MAGI1: variants seen among roughly 807,000 people sequenced by gnomAD.
MAGI1 encodes membrane-associated guanylate kinase, WW and PDZ domain-containing protein 1.
A neutral mutation model predicts 139.9 loss-of-function variants in MAGI1; 58 were observed. That is an observed-to-expected ratio of 0.41 (90% CI 0.34 to 0.52). MAGI1 has a LOEUF of 0.52. MAGI1 is among the 20% of genes least tolerant of loss of function. The probability of loss-of-function intolerance (pLI) is 0.12; values close to 1 mark genes in which losing one functional copy is unlikely to be tolerated. For missense variants in MAGI1, 1,874 were observed against 1,901.6 expected, an observed-to-expected ratio of 0.99 and a Z score of 0.27; for synonymous variants, 812 against 737.9, an observed-to-expected ratio of 1.10 and a Z score of -1.63.
chr3:66,035,727 C>G (rs1192023875), intron 1 of MAGI1, among the ~76,000 whole-genome samples: 1 of 152,152 alleles, frequency 6.6e-6, no homozygotes, highest in Non-Finnish European at 1.5e-5. Flanking sequence ...CAGAAACATA[C>G]CCACACACTC....
At chr3:65,464,773 G>T (rs1455201261) in intron 5 of MAGI1, among the ~76,000 whole-genome samples, 5 of 151,930 alleles carry the variant, frequency 3.3e-5, no homozygotes, top group Non-Finnish European at 7.4e-5. Context: ...TGTAGTTATT[G>T]ATATGTTAGG....
At chr3:66,026,986 C>T (rs1189826648) in intron 1 of MAGI1, among the ~76,000 whole-genome samples, 1 of 151,216 alleles carries the variant, frequency 6.6e-6, no homozygotes, top group Non-Finnish European at 1.5e-5. Context: ...AAAGAGAGGA[C>T]CGGCTGGGCG....
At chr3:66,028,217 G>A (rs898575304) in intron 1 of MAGI1, among the ~76,000 whole-genome samples, 4 of 152,182 alleles carry the variant, frequency 2.6e-5, no homozygotes, top group Admixed American at 1.3e-4. Context: ...TAGGAGGATC[G>A]CTTGAGCCCA....
intron 1 of MAGI1, among the ~76,000 whole-genome samples, chr3:66,030,703 A>C (rs916263780): frequency 1.8e-4 from 28 of 152,168 alleles, no homozygotes; most frequent in African/African-American, 6.8e-4. Context: ...CAGGCAGGAC[A>C]GAGAAAGAGA....
In MAGI1 at chr3:65,953,202, G is replaced by C. The variant is rs556882168; in HGVS notation, c.313+84794C>G. Reference sequence around the variant, plus strand: ...AGGTTCTGATCAAATCTTCATTCTTGCTTCCAAATCACTTGCTGAAAAATT... The same window carrying C: ...AGGTTCTGATCAAATCTTCATTCTTCCTTCCAAATCACTTGCTGAAAAATT... On this transcript the variant is annotated intron_variant, in intron 1 of 22. Coordinates refer to ENST00000402939, the MANE Select transcript of MAGI1 (RefSeq NM_001033057.2). 2.6e-5 allele frequency among the ~76,000 whole-genome samples: 4 copies of C among 152,252 alleles called. 1 individual carries two copies. The South Asian group carries it at 8.3e-4, about 32-fold the overall frequency.
At chr3:65,968,745 T>G (rs951975831) in intron 1 of MAGI1, among the ~76,000 whole-genome samples, 13 of 152,104 alleles carry the variant, frequency 8.5e-5, no homozygotes, top group Non-Finnish European at 1.6e-4. Flanking sequence ...TTATTATGAT[T>G]GAATTTTTTA....
intron 2 of MAGI1, among the ~76,000 whole-genome samples, chr3:65,598,878 G>A (rs1325279436): frequency 1.3e-5 from 2 of 152,314 alleles, no homozygotes; most frequent in South Asian, 4.1e-4. Flanking sequence ...ACTTTATTGA[G>A]AGACCTCTAG....
chr3:65,419,516 G>A (rs571669717), intron 12 of MAGI1, among the ~76,000 whole-genome samples: 4 of 152,124 alleles, frequency 2.6e-5, no homozygotes, highest in African/African-American at 4.8e-5. Context: ...TCATAAATGC[G>A]TATTTTTCCT....
intron 1 of MAGI1, among the ~76,000 whole-genome samples, chr3:65,951,555 T>C (rs1370532632): frequency 6.6e-6 from 1 of 152,250 alleles, no homozygotes; most frequent in Non-Finnish European, 1.5e-5. Flanking sequence ...TATTATTGAC[T>C]ACCTGTTGAA....
At chr3:65,603,208 A>G (rs1949844) in intron 2 of MAGI1, among the ~76,000 whole-genome samples, 151,774 of 152,240 alleles carry the variant, frequency 1, 75,655 homozygotes, top group East Asian at 1. Flanking sequence ...TACCCTTTAT[A>G]CAACTCCAAA....
intron 4 of MAGI1, among the ~76,000 whole-genome samples, chr3:65,478,123 T>C (rs538042053): frequency 2.0e-5 from 3 of 152,292 alleles, no homozygotes; most frequent in African/African-American, 7.2e-5. Flanking sequence ...ATTATATCTC[T>C]GCTTTCAAAG....
At position 65,530,661 on chromosome 3, in the gene MAGI1, GTATA is replaced by G. The variant is rs1296422725; in HGVS notation, c.431-37034_431-37031del. Among the ~76,000 whole-genome samples, 174 of 92,878 alleles carry G rather than the reference GTATA, an allele frequency of 1.9e-3. 4 individuals carry two copies. The highest frequency in any genetic ancestry group is 7.5e-3 in the African/African-American group (170 of 22,520). 60.9% of individuals were successfully genotyped at this position (92,878 alleles called of 152,430 possible). A position where few individuals can be genotyped will look rare whatever the true frequency, so the allele number is the denominator to read the frequency against. On this transcript the variant is annotated intron_variant, in intron 2 of 22. Coordinates refer to ENST00000402939, the MANE Select transcript of MAGI1 (RefSeq NM_001033057.2). ...TGTGTGTGTGTGTGTGTGTGTGTGT[GTATA>G]TATATATACATATATATATACGTGT...
intron 1 of MAGI1, among the ~76,000 whole-genome samples, chr3:65,628,415 G>A (rs929703805): frequency 4.6e-5 from 7 of 151,816 alleles, no homozygotes; most frequent in Non-Finnish European, 8.8e-5. Flanking sequence ...GAGAAAATCG[G>A]GTGTAAGTTT....
intron 1 of MAGI1, among the ~76,000 whole-genome samples, chr3:65,861,830 C>T (rs957758159): frequency 6.6e-6 from 1 of 152,126 alleles, no homozygotes; most frequent in East Asian, 1.9e-4. Context: ...CTTGAAAAAC[C>T]AACACAGAGC....
intron 1 of MAGI1, among the ~76,000 whole-genome samples, chr3:65,741,796 C>T (rs1480070509): frequency 6.6e-6 from 1 of 150,388 alleles, no homozygotes; most frequent in East Asian, 2.0e-4. Context: ...TATACATCAG[C>T]AGAAAGCTTT....
chr3:65,727,842 G>C (rs945516850), intron 1 of MAGI1, among the ~76,000 whole-genome samples: 2 of 152,110 alleles, frequency 1.3e-5, no homozygotes, highest in Non-Finnish European at 2.9e-5. Flanking sequence ...CAGATGATAG[G>C]AAAGCAGATA....
intron 5 of MAGI1, among the ~76,000 whole-genome samples, chr3:65,457,585 AATTAT>A (rs1949486845): frequency 6.6e-6 from 1 of 151,904 alleles, no homozygotes; most frequent in African/African-American, 2.4e-5. Context: ...AGCAACCTTA[AATTAT>A]ATTTTATTTT....
chr3:65,795,377 C>T (rs2040058432), intron 1 of MAGI1, among the ~76,000 whole-genome samples: 1 of 152,154 alleles, frequency 6.6e-6, no homozygotes, highest in Admixed American at 6.5e-5. Flanking sequence ...ACTGCTGATA[C>T]ACACAGTAAC....
chr3:65,429,077 C>T (rs376821510), intron 12 of MAGI1, among the ~76,000 whole-genome samples: 2 of 152,206 alleles, frequency 1.3e-5, no homozygotes, highest in Admixed American at 1.3e-4. Flanking sequence ...GCAGGCTATG[C>T]AGGCCAAGTT....
Sources: gnomAD v4.1 joint callset for allele counts (sites outside exome capture counted in the v4.1 genomes callset) on GRCh38, gnomAD v4.1.1 for gene constraint, MANE v1.5 for transcripts, NCBI Gene and HGNC (gene_info 2026-07-23, HGNC 2026-07-21) for gene names.